TAMM41: variants seen among roughly 807,000 people sequenced by gnomAD.
TAMM41 encodes the protein phosphatidate cytidylyltransferase, mitochondrial.
TAMM41 carries 36 observed loss-of-function variants against 44.1 expected under a neutral mutation model. The ratio of observed to expected loss-of-function variants is 0.82; its 90% CI spans 0.63 to 1.08. The LOEUF is 1.08. TAMM41 is among the 50% of genes least tolerant of loss of function. The probability of loss-of-function intolerance (pLI) is 0.00; values close to 1 mark genes in which losing one functional copy is unlikely to be tolerated. For missense variants in TAMM41, 417 were observed against 404.3 expected (o/e 1.03, Z -0.27); for synonymous variants, 164 against 153.1 (o/e 1.07, Z -0.53).
intron 3 of TAMM41, among the ~76,000 whole-genome samples, chr3:11,836,151 C>A (rs575603967): frequency 7.2e-5 from 11 of 151,868 alleles, no homozygotes; most frequent in South Asian, 2.1e-4. Flanking sequence ...CCGCAACGCC[C>A]AGTTAATTAT....
At chr3:11,796,691 A>G (rs1473564724) in intron 7 of TAMM41, among the ~76,000 whole-genome samples, 1 of 152,166 alleles carries the variant, frequency 6.6e-6, no homozygotes, top group Non-Finnish European at 1.5e-5. Flanking sequence ...AATTTTGGGG[A>G]GAAGGACCTA....
intron 7 of TAMM41, among the ~76,000 whole-genome samples, chr3:11,798,471 G>C (rs1407731823): frequency 2.0e-5 from 3 of 152,074 alleles, no homozygotes; most frequent in Admixed American, 1.3e-4. Flanking sequence ...ACACATAGAA[G>C]GGAACAACAG....
At chr3:11,807,122 A>G (rs575001694) in intron 7 of TAMM41, 3 of 961,478 alleles carry the variant, frequency 3.1e-6, no homozygotes, top group Admixed American at 6.1e-5. Flanking sequence ...AGCAAGTGAA[A>G]GACATGAGAT....
chr3:11,725,442 C>CCTT, the TAMM41 span, among the ~76,000 whole-genome samples: 34,350 of 140,984 alleles, frequency 0.24, 4,871 homozygotes, highest in Middle Eastern at 0.33. Context: ...TCCTCCTCCT[C>CCTT]CTCCTCCTCC....
At chr3:11,722,508 T>C in the TAMM41 span, among the ~76,000 whole-genome samples, 1 of 152,166 alleles carries the variant, frequency 6.6e-6, no homozygotes, top group African/African-American at 2.4e-5. Flanking sequence ...CAATGTTAAC[T>C]GAAAAAATTA....
In TAMM41 at chr3:11,816,028, G is replaced by A. The variant is rs142337200; in HGVS notation, c.708+1164C>T. On this transcript the variant is annotated intron_variant, in intron 5 of 7. Coordinates refer to ENST00000455809, the MANE Select transcript of TAMM41 (RefSeq NM_001284401.2). ...GGCAAAATCTGTTAAACTGAGTGGT[G>A]GGTATTCTCGCATTTCATATGTCAC... Among the ~76,000 whole-genome samples the A allele has an allele frequency of 1.9e-3, 291 of 152,198 alleles. 2 individuals carry two copies. Among genetic ancestry groups the A allele is most frequent in the African/African-American group, 6.9e-3 (287 of 41,532 alleles).
Position 11,790,557 on chromosome 3 carries a change from C to CTA in TAMM41, c.960_961dup (p.Ser321IlefsTer4), listed in dbSNP as rs751033229. On this transcript the variant is annotated frameshift_variant, in exon 8 of 8. Coordinates refer to ENST00000455809, the MANE Select transcript of TAMM41 (RefSeq NM_001284401.2). LOFTEE classifies it high-confidence loss of function. ...CCACATTTTGTGCAGTTTTAGTGAA[C>CTA]TATAAATCACTGACTTCTTCAGGCC... is the stretch of plus-strand genomic sequence containing the variant. 5 of 1,614,036 alleles carry CTA rather than the reference C, an allele frequency of 3.1e-6. No homozygotes were observed. Among genetic ancestry groups the CTA allele is most frequent in the East Asian group, 4.5e-5 (2 of 44,886 alleles).
the TAMM41 span, among the ~76,000 whole-genome samples, chr3:11,752,562 C>A: frequency 2.7e-5 from 4 of 149,036 alleles, no homozygotes; most frequent in African/African-American, 9.9e-5. Flanking sequence ...CAGAAAAGTT[C>A]TCCAAGTCCC....
chr3:11,722,589 G>T, the TAMM41 span, among the ~76,000 whole-genome samples: 1 of 152,110 alleles, frequency 6.6e-6, no homozygotes, highest in African/African-American at 2.4e-5. Flanking sequence ...AATAATTTTA[G>T]TGGTACATAT....
the TAMM41 span, among the ~76,000 whole-genome samples, chr3:11,735,138 T>C: frequency 6.6e-6 from 1 of 150,862 alleles, no homozygotes; most frequent in African/African-American, 2.4e-5. Context: ...GAAGGGAGGA[T>C]CACTTGAGCC....
chr3:11,811,358 T>C (rs1451831792), intron 5 of TAMM41: 1 of 152,176 alleles, frequency 6.6e-6, no homozygotes, highest in East Asian at 1.9e-4. Context: ...AGGCCACATA[T>C]TGGGATTAGT....
intron 7 of TAMM41, among the ~76,000 whole-genome samples, chr3:11,799,924 G>A (rs1489418191): frequency 6.6e-6 from 1 of 152,164 alleles, no homozygotes; most frequent in Non-Finnish European, 1.5e-5. Context: ...GGCCAGAAGA[G>A]AATGGGATAG....
intron 2 of TAMM41, among the ~76,000 whole-genome samples, chr3:11,839,652 A>G (rs565878029): frequency 6.6e-6 from 1 of 152,348 alleles, no homozygotes; most frequent in Non-Finnish European, 1.5e-5. Flanking sequence ...AAGCCAACCA[A>G]GGAGGAGGAA....
chr3:11,729,392 T>G, the TAMM41 span, among the ~76,000 whole-genome samples: 1 of 151,966 alleles, frequency 6.6e-6, no homozygotes, highest in Non-Finnish European at 1.5e-5. Context: ...GAGAGTGGTT[T>G]GAATGAGGAA....
intron 7 of TAMM41, among the ~76,000 whole-genome samples, chr3:11,801,058 C>T (rs1216368661): frequency 2.0e-5 from 3 of 148,648 alleles, no homozygotes; most frequent in African/African-American, 7.5e-5. Context: ...CACCACTGCA[C>T]TCCACCCTGG....
chr3:11,807,636 A>G (rs2077956128), intron 7 of TAMM41, 197 bp downstream of exon 7: 3 of 1,536,166 alleles, frequency 2.0e-6, no homozygotes, highest in African/African-American at 2.7e-5. Flanking sequence ...AGCACTGCCA[A>G]TGGTCTGACA....
At chr3:11,733,190 G>A in the TAMM41 span, among the ~76,000 whole-genome samples, 1 of 151,544 alleles carries the variant, frequency 6.6e-6, no homozygotes, top group South Asian at 2.1e-4. Flanking sequence ...GTATAGGCAG[G>A]GTTTCACCAT....
the TAMM41 span, among the ~76,000 whole-genome samples, chr3:11,741,345 C>T: frequency 6.7e-6 from 1 of 148,914 alleles, no homozygotes; most frequent in African/African-American, 2.6e-5. Context: ...GAGCTGAATT[C>T]ACTCCTTTAA....
chr3:11,749,351 T>TA, the TAMM41 span, among the ~76,000 whole-genome samples: 4 of 152,198 alleles, frequency 2.6e-5, no homozygotes, highest in African/African-American at 9.6e-5. Flanking sequence ...CCATAATCAT[T>TA]TGACTACAAA....
Sources: gnomAD v4.1 joint callset for allele counts (sites outside exome capture counted in the v4.1 genomes callset) on GRCh38, gnomAD v4.1.1 for gene constraint, MANE v1.5 for transcripts, NCBI Gene and HGNC (gene_info 2026-07-23, HGNC 2026-07-21) for gene names.